Variants in IFNA17 observed in about 807,000 individuals in gnomAD.
IFNA17 encodes interferon alpha 17, also known as interferon alpha-17.
For missense variants in IFNA17, 285 were observed against 212.7 expected, an observed-to-expected ratio of 1.34 and a Z score of -2.11; for synonymous variants, 107 against 80.5, an observed-to-expected ratio of 1.33 and a Z score of -1.76.
chr9:21,227,425 C>G lies in IFNA17; in HGVS notation c.*179G>C. ...TGAACAGAGACATCAGCATGGTCAT[C>G]TGTAAAGTACTAGTGCCTGCACAGG... On this transcript the variant is annotated 3_prime_UTR_variant, in exon 1 of 1. Transcript: ENST00000413767. The G allele has an allele frequency of 1.4e-6, 1 of 689,950 alleles. No homozygotes were observed. The highest frequency in any genetic ancestry group is 3.1e-5 in the South Asian group (1 of 32,656). 42.7% of individuals were successfully genotyped at this position (689,950 alleles called of 1,614,324 possible).
rs1340215556 is a variant in IFNA17, at chr9:21,227,290, A to T, written c.*314T>A. ...AAGGAAATTAATATATTGGCTAAAT[A>T]TGAAGAACATATATTGTTACATTCA... On this transcript the variant is annotated 3_prime_UTR_variant, in exon 1 of 1. Transcript: ENST00000413767. 24 of 156,968 alleles carry T rather than the reference A, an allele frequency of 1.5e-4. No individual in the cohort carries two copies. The highest frequency in any genetic ancestry group is 2.8e-5 in the Non-Finnish European group (2 of 71,000). The allele number at this position is 156,968 out of a possible 1,614,324, so 9.7% of individuals were successfully genotyped here.
chr9:21,227,655 T>G lies in IFNA17; in HGVS notation c.519A>C (p.Arg173Ser), dbSNP rs1263740587. Residue 173 changes from arginine (R) to serine (S), a missense_variant, in exon 1 of 1, where the codon AGA (arginine) becomes AGC (serine). Coordinates refer to ENST00000413767, the MANE Select transcript of IFNA17 (RefSeq NM_021268.2). Reference protein sequence around the residue: ...AWEVVRAEIMRSLSFSTNLQK... With the variant: ...AWEVVRAEIMSSLSFSTNLQK... The stretch of plus-strand genomic sequence containing the variant: ...GCAAGTTTGTTGAAAAAGAGAGAGA[T>G]CTCATGATTTCTGCTCTGACAACCT... 1.2e-6 allele frequency: 2 copies of G among 1,612,652 alleles called. No homozygotes were observed. The highest frequency in any genetic ancestry group is 1.7e-6 in the Non-Finnish European group (2 of 1,179,804).
At position 21,227,549 on chromosome 9, in the gene IFNA17, A is replaced by G. The variant is rs571900751; in HGVS notation, c.*55T>C. On this transcript the variant is annotated 3_prime_UTR_variant, in exon 1 of 1. Coordinates refer to ENST00000413767, the MANE Select transcript of IFNA17 (RefSeq NM_021268.2). ...AGTCTTTGAAATGGAGGAACTCATG[A>G]AAGTGTGAGATAATGTATTAGTCAA... The G allele has an allele frequency of 2.7e-5, 43 of 1,592,796 alleles. No homozygotes were observed. The highest frequency in any genetic ancestry group is 4.6e-4 in the Middle Eastern group (2 of 4,382).
In IFNA17 at chr9:21,228,113, A is replaced by C; in HGVS notation, c.61T>G (p.Ser21Ala). ...GTCTGAGGCAGATCACAGCCTAGAG[A>C]ACAGATGGATTTGTAGCTGAGCACC... ...VLVLSYKSICSLGCDLPQTHS... is the reference protein window; with the variant it reads ...VLVLSYKSICALGCDLPQTHS... The change falls in exon 1 of 1, where the codon TCT (serine) becomes GCT (alanine). Residue 21 changes from serine (S) to alanine (A), a missense_variant. Transcript: ENST00000413767. 1 of 1,614,052 alleles carries C rather than the reference A, an allele frequency of 6.2e-7. No individual in the cohort carries two copies. The highest frequency in any genetic ancestry group is 8.5e-7 in the Non-Finnish European group (1 of 1,180,002).
Position 21,228,176 on chromosome 9 carries a change from G to C in IFNA17, c.-3C>G, listed in dbSNP as rs1818656613. ...AGTAAAGAAAAGGACAGGGCCATTG[G>C]GATGTTGCAAATGTTGCTAGGCTAC... is the stretch of plus-strand genomic sequence containing the variant. On this transcript the variant is annotated 5_prime_UTR_variant, in exon 1 of 1. Coordinates refer to ENST00000413767, the MANE Select transcript of IFNA17 (RefSeq NM_021268.2). 1.1e-5 allele frequency: 18 copies of C among 1,606,976 alleles called. No individual in the cohort carries two copies. Among genetic ancestry groups the C allele is most frequent in the Non-Finnish European group, 1.4e-5 (17 of 1,176,790 alleles).
At position 21,227,623 on chromosome 9, in the gene IFNA17, A is replaced by C. The variant is rs9298814; in HGVS notation, c.551T>G (p.Ile184Arg). The change falls in exon 1 of 1, where the codon ATA (isoleucine) becomes AGA (arginine). Residue 184 changes from isoleucine (I) to arginine (R), a missense_variant. Physicochemically the swap from Ile to Arg is moderately conservative, Grantham distance 97. Coordinates refer to ENST00000413767, the MANE Select transcript of IFNA17 (RefSeq NM_021268.2). ...CAGTTTTCAATCCTTCCTCCTTAATATTTTTTGCAAGTTTGTTGAAAAAGA... is the reference window on the plus strand; with the variant it reads ...CAGTTTTCAATCCTTCCTCCTTAATCTTTTTTGCAAGTTTGTTGAAAAAGA... The part of the protein sequence containing the change: ...SLSFSTNLQK[I>R]LRRKD 0.21 allele frequency: 303,904 copies of C among 1,473,920 alleles called. 47,321 individuals carry two copies. The highest frequency in any genetic ancestry group is 0.54 in the East Asian group (23,344 of 42,866). 91.3% of individuals were successfully genotyped at this position (1,473,920 alleles called of 1,614,324 possible).
At position 21,228,132 on chromosome 9, in the gene IFNA17, G is replaced by A. The variant is rs1243571771; in HGVS notation, c.42C>T (p.Leu14=). 2.5e-6 allele frequency: 4 copies of A among 1,613,856 alleles called. No individual in the cohort carries two copies. Among genetic ancestry groups the A allele is most frequent in the African/African-American group, 2.7e-5 (2 of 74,910 alleles). The change falls in exon 1 of 1, where the codon CTC becomes CTT. Residue 14 remains leucine, a synonymous_variant. Coordinates refer to ENST00000413767, the MANE Select transcript of IFNA17 (RefSeq NM_021268.2). ...SFSLLMAVLV[L]SYKSICSLGC... ...CTAGAGAACAGATGGATTTGTAGCT[G>A]AGCACCAGCACGGCCATCAGTAAAG...
Position 21,227,715 on chromosome 9 carries a change from A to G in IFNA17, c.459T>C (p.Tyr153=). 6.2e-7 allele frequency: 1 copy of G among 1,614,026 alleles called. No individual in the cohort carries two copies. Among genetic ancestry groups the G allele is most frequent in the South Asian group, 1.1e-5 (1 of 91,064 alleles). Residue 153 remains tyrosine (Y), a synonymous_variant, in exon 1 of 1, where the codon TAT becomes TAC. Transcript: ENST00000413767. ...VRKYFQRITL[Y]LTEKKYSPCA... ...AAGGGCTGTATTTCTTCTCTGTTAG[A>G]TAAAGAGTGATTCTTTGGAAGTATT...
Position 21,227,670 on chromosome 9 carries a change from T to C in IFNA17, c.504A>G (p.Arg168=). 2 of 1,613,812 alleles carry C rather than the reference T, an allele frequency of 1.2e-6. No homozygotes were observed. Among genetic ancestry groups the C allele is most frequent in the Non-Finnish European group, 1.7e-6 (2 of 1,179,942 alleles). Residue 168 remains arginine, a synonymous_variant, in exon 1 of 1, where the codon AGA becomes AGG. Transcript: ENST00000413767. ...KYSPCAWEVV[R]AEIMRSLSFS... ...AAGAGAGAGATCTCATGATTTCTGC[T>C]CTGACAACCTCCCAGGCACAAGGGC...
rs966205017 is a variant in IFNA17, at chr9:21,227,995, C to T, written c.179G>A (p.Gly60Glu). 3 of 1,613,632 alleles carry T rather than the reference C, an allele frequency of 1.9e-6. No homozygotes were observed. In the African/African-American group the frequency reaches 4.0e-5, roughly 22 times the overall value. Residue 60 changes from glycine (G) to glutamate (E), a missense_variant, in exon 1 of 1, where the codon GGA becomes GAA. Physicochemically the swap from Gly to Glu is moderately conservative, Grantham distance 98. Transcript: ENST00000413767. ...GCCATCAAACTCCTCCTGGGGAAGT[C>T]CAAAGTCATGTCTGTCCTTCAGGCA... ...FSCLKDRHDF[G>E]LPQEEFDGNQ...
rs1818654107 is a variant in IFNA17, at chr9:21,228,064, G to A, written c.110C>T (p.Ala37Val). Residue 37 changes from alanine to valine, a missense_variant, in exon 1 of 1, where the codon GCC (alanine) becomes GTC (valine). Physicochemically the swap from Ala to Val is moderately conservative, Grantham distance 64. Coordinates refer to ENST00000413767, the MANE Select transcript of IFNA17 (RefSeq NM_021268.2). Reference protein sequence around the residue: ...PQTHSLGNRRALILLAQMGRI... With the variant: ...PQTHSLGNRRVLILLAQMGRI... Reference sequence around the variant, plus strand: ...TCCCATTTGTGCCAGGAGTATCAAGGCCCTCCTATTACCCAGGCTGTGGGT... The same window carrying A: ...TCCCATTTGTGCCAGGAGTATCAAGACCCTCCTATTACCCAGGCTGTGGGT... The A allele has an allele frequency of 6.2e-7, 1 of 1,613,948 alleles. No homozygotes were observed. Among genetic ancestry groups the A allele is most frequent in the Non-Finnish European group, 8.5e-7 (1 of 1,180,020 alleles).
rs899418745 is a variant in IFNA17 at position 21,227,292 on chromosome 9, G to C, written c.*312C>G. 2 of 157,162 alleles carry C rather than the reference G, an allele frequency of 1.3e-5. No individual in the cohort carries two copies. Among genetic ancestry groups the C allele is most frequent in the Admixed American group, 1.3e-4 (2 of 15,388 alleles). The allele number at this position is 157,162 out of a possible 1,614,324, so 9.7% of individuals were successfully genotyped here. On this transcript the variant is annotated 3_prime_UTR_variant, in exon 1 of 1. Coordinates refer to ENST00000413767, the MANE Select transcript of IFNA17 (RefSeq NM_021268.2). ...GGAAATTAATATATTGGCTAAATAT[G>C]AAGAACATATATTGTTACATTCACC...
In IFNA17 at chr9:21,227,648, A is replaced by C. The variant is rs755388250; in HGVS notation, c.526T>G (p.Ser176Ala). 1.2e-6 allele frequency: 2 copies of C among 1,612,540 alleles called. No homozygotes were observed. The highest frequency in any genetic ancestry group is 2.2e-5 in the South Asian group (2 of 90,930). The change falls in exon 1 of 1, where the codon TCT becomes GCT. Residue 176 changes from serine (S) to alanine (A), a missense_variant. Coordinates refer to ENST00000413767, the MANE Select transcript of IFNA17 (RefSeq NM_021268.2). Reference sequence around the variant, plus strand: ...ATTTTTTGCAAGTTTGTTGAAAAAGAGAGAGATCTCATGATTTCTGCTCTG... The same window carrying C: ...ATTTTTTGCAAGTTTGTTGAAAAAGCGAGAGATCTCATGATTTCTGCTCTG... ...VVRAEIMRSLSFSTNLQKILR... is the reference protein window; with the variant it reads ...VVRAEIMRSLAFSTNLQKILR...
chr9:21,227,586 G>C lies in IFNA17; in HGVS notation c.*18C>G. 1 of 1,610,896 alleles carries C rather than the reference G, an allele frequency of 6.2e-7. No individual in the cohort carries two copies. The highest frequency in any genetic ancestry group is 8.5e-7 in the Non-Finnish European group (1 of 1,179,384). Reference sequence around the variant, plus strand: ...AATGTATTAGTCAATCAGGATCATTGCCATGTTGAACCAGTTTTCAATCCT... The same window carrying C: ...AATGTATTAGTCAATCAGGATCATTCCCATGTTGAACCAGTTTTCAATCCT... On this transcript the variant is annotated 3_prime_UTR_variant, in exon 1 of 1. Transcript: ENST00000413767.
chr9:21,227,564 G>A lies in IFNA17; in HGVS notation c.*40C>T. ...GGAACTCATGAAAGTGTGAGATAAT[G>A]TATTAGTCAATCAGGATCATTGCCA... is the stretch of plus-strand genomic sequence containing the variant. On this transcript the variant is annotated 3_prime_UTR_variant, in exon 1 of 1. Transcript: ENST00000413767. 6.2e-7 allele frequency: 1 copy of A among 1,606,278 alleles called. No individual in the cohort carries two copies. The highest frequency in any genetic ancestry group is 8.5e-7 in the Non-Finnish European group (1 of 1,177,688).
Position 21,227,476 on chromosome 9 carries a change from T to C in IFNA17, c.*128A>G, listed in dbSNP as rs148498099. The C allele has an allele frequency of 2.2e-3, 3,132 of 1,450,046 alleles. 68 individuals are homozygous for C. In the East Asian group the frequency reaches 0.034, roughly 16 times the overall value. 89.8% of individuals were successfully genotyped at this position (1,450,046 alleles called of 1,614,324 possible). ...TATACACGACGCTTCTTTACACTGC[T>C]GAAAACATTTGAAAATTTTGATTCA... On this transcript the variant is annotated 3_prime_UTR_variant, in exon 1 of 1. Transcript: ENST00000413767.
Position 21,227,653 on chromosome 9 carries a change from G to A in IFNA17, c.521C>T (p.Ser174Phe), listed in dbSNP as rs777936071. The A allele has an allele frequency of 2.5e-6, 4 of 1,612,748 alleles. No individual in the cohort carries two copies. The East Asian group carries it at 6.7e-5, about 27-fold the overall frequency. Residue 174 changes from serine (S) to phenylalanine (F), a missense_variant, in exon 1 of 1, where the codon TCT (serine) becomes TTT (phenylalanine). By Grantham distance (155) the Ser-to-Phe change is radical. Transcript: ENST00000413767. ...TTGCAAGTTTGTTGAAAAAGAGAGA[G>A]ATCTCATGATTTCTGCTCTGACAAC... The part of the protein sequence containing the change: ...WEVVRAEIMR[S>F]LSFSTNLQKI...
chr9:21,227,486 T>G lies in IFNA17; in HGVS notation c.*118A>C. 1 of 1,498,798 alleles carries G rather than the reference T, an allele frequency of 6.7e-7. No individual in the cohort carries two copies. The highest frequency in any genetic ancestry group is 9.0e-7 in the Non-Finnish European group (1 of 1,111,154). The allele number at this position is 1,498,798 out of a possible 1,614,324, so 92.8% of individuals were successfully genotyped here. A position where few individuals can be genotyped will look rare whatever the true frequency, so the allele number is the denominator to read the frequency against. ...GCTTCTTTACACTGCTGAAAACATT[T>G]GAAAATTTTGATTCAACTCGTGGTG... is the stretch of plus-strand genomic sequence containing the variant. On this transcript the variant is annotated 3_prime_UTR_variant, in exon 1 of 1. Transcript: ENST00000413767.
Position 21,227,941 on chromosome 9 carries a change from G to C in IFNA17, c.233C>G (p.Ser78Cys). The change falls in exon 1 of 1, where the codon TCT becomes TGT. Residue 78 changes from serine to cysteine, a missense_variant. Coordinates refer to ENST00000413767, the MANE Select transcript of IFNA17 (RefSeq NM_021268.2). The part of the protein sequence containing the change: ...GNQFQKTQAI[S>C]VLHEMIQQTF... ...CTGCTGGATCATCTCATGGAGGACA[G>C]AGATGGCTTGAGTCTTCTGGAACTG... 2 of 1,613,952 alleles carry C rather than the reference G, an allele frequency of 1.2e-6. No individual in the cohort carries two copies. The highest frequency in any genetic ancestry group is 2.2e-5 in the East Asian group (1 of 44,850).
Sources: gnomAD v4.1 joint callset for allele counts on GRCh38, gnomAD v4.1.1 for gene constraint, MANE v1.5 for transcripts, NCBI Gene and HGNC (gene_info 2026-07-23, HGNC 2026-07-21) for gene names.